Variants in TMC1 observed in about 807,000 individuals in gnomAD.
The protein encoded by TMC1 is transmembrane channel-like protein 1.
Under a neutral mutation model 105.8 loss-of-function variants are expected in TMC1, and 84 were observed. That is an observed-to-expected ratio of 0.79 (90% CI 0.67 to 0.95). TMC1 has a LOEUF of 0.95. TMC1 is among the 40% of genes least tolerant of loss of function. The pLI is 0.00. For synonymous variants in TMC1, 315 were observed against 311.5 expected (o/e 1.01, Z -0.12); for missense variants, 817 against 914.1 (o/e 0.89, Z 1.37).
At chr9:72,712,135 T>G (rs1391506655) in intron 8 of TMC1, among the ~76,000 whole-genome samples, 1 of 152,210 alleles carries the variant, frequency 6.6e-6, no homozygotes, top group Admixed American at 6.5e-5. Context: ...TATATATCTG[T>G]TTTGGTACCA....
chr9:72,646,889 A>G (rs2132148453), intron 4 of TMC1, among the ~76,000 whole-genome samples: 1 of 152,174 alleles, frequency 6.6e-6, no homozygotes, highest in African/African-American at 2.4e-5. Flanking sequence ...TCATGCCTGT[A>G]ATCCCACTCT....
chr9:72,673,357 A>T (rs1472337056), intron 5 of TMC1, among the ~76,000 whole-genome samples: 1 of 152,184 alleles, frequency 6.6e-6, no homozygotes, highest in Non-Finnish European at 1.5e-5. Flanking sequence ...ACCAGAGCTG[A>T]AATCAATAAA....
intron 10 of TMC1, among the ~76,000 whole-genome samples, chr9:72,751,476 G>T (rs563702939): frequency 1.3e-5 from 2 of 152,214 alleles, no homozygotes; most frequent in African/African-American, 4.8e-5. Context: ...GCTAGGCACT[G>T]TAGTTACCTT....
At chr9:72,756,016 G>A (rs1278316597) in intron 12 of TMC1, among the ~76,000 whole-genome samples, 1 of 152,182 alleles carries the variant, frequency 6.6e-6, no homozygotes, top group East Asian at 1.9e-4. Flanking sequence ...ACCAGTTTAT[G>A]TGAGGAGTAC....
chr9:72,712,601 T>A (rs1826854457), intron 8 of TMC1, among the ~76,000 whole-genome samples: 1 of 152,208 alleles, frequency 6.6e-6, no homozygotes, highest in Non-Finnish European at 1.5e-5. Context: ...TACTTGTGAT[T>A]TTTGTACATT....
chr9:72,637,009 A>G (rs1362313176), intron 4 of TMC1, among the ~76,000 whole-genome samples: 1 of 151,540 alleles, frequency 6.6e-6, no homozygotes, highest in African/African-American at 2.4e-5. Flanking sequence ...TTATTGAGAA[A>G]CCATGCCCTA....
chr9:72,670,272 C>A (rs1826108826), intron 5 of TMC1, among the ~76,000 whole-genome samples: 1 of 152,050 alleles, frequency 6.6e-6, no homozygotes, highest in Non-Finnish European at 1.5e-5. Flanking sequence ...AGTATAAAAA[C>A]CATGAAATTC....
chr9:72,822,514 TTGTGTGTG>T (rs368968408), intron 20 of TMC1, among the ~76,000 whole-genome samples: 1,641 of 135,842 alleles, frequency 0.012, 31 homozygotes, highest in African/African-American at 0.037. Flanking sequence ...GTTAATTCCG[TTGTGTGTG>T]TGTGTGTGTG....
At chr9:72,693,224 A>C (rs1826496845) in intron 6 of TMC1, among the ~76,000 whole-genome samples, 1 of 152,228 alleles carries the variant, frequency 6.6e-6, no homozygotes, top group Non-Finnish European at 1.5e-5. Flanking sequence ...TCAATAAAAA[A>C]GTTTTAACAA....
chr9:72,567,810 C>G (rs1432644214), intron 1 of TMC1, among the ~76,000 whole-genome samples: 1 of 152,156 alleles, frequency 6.6e-6, no homozygotes, highest in Non-Finnish European at 1.5e-5. Flanking sequence ...CTAAGGCACT[C>G]ATGTAGTCTT....
chr9:72,806,218 G>A (rs1488280598), intron 18 of TMC1, among the ~76,000 whole-genome samples: 4 of 131,422 alleles, frequency 3.0e-5, no homozygotes, highest in Non-Finnish European at 5.4e-5. Flanking sequence ...TGGCCGGGCA[G>A]GGGGCTGACC....
At chr9:72,810,164 G>A (rs947531977) in intron 18 of TMC1, among the ~76,000 whole-genome samples, 5 of 147,964 alleles carry the variant, frequency 3.4e-5, no homozygotes, top group Admixed American at 2.0e-4. Flanking sequence ...AAACTAAAAT[G>A]AGGCTGTTTT....
At chr9:72,550,867 A>C (rs1318914020) in intron 1 of TMC1, among the ~76,000 whole-genome samples, 2 of 152,134 alleles carry the variant, frequency 1.3e-5, no homozygotes, top group African/African-American at 4.8e-5. Flanking sequence ...TAAATTTAGA[A>C]TCATGAGTTA....
chr9:72,531,949 C>T (rs10122344), intron 1 of TMC1, among the ~76,000 whole-genome samples: 79,300 of 151,676 alleles, frequency 0.52, 21,619 homozygotes, highest in African/African-American at 0.69. Flanking sequence ...TTTATTTATT[C>T]GAGATGGAGT....
chr9:72,647,469 A>G (rs1825734110), intron 4 of TMC1, among the ~76,000 whole-genome samples: 1 of 152,184 alleles, frequency 6.6e-6, no homozygotes, highest in African/African-American at 2.4e-5. Context: ...CAGATTCAAT[A>G]ATTTGCAACA....
rs62560387 is a variant in TMC1, at chr9:72,813,316, A to G, written c.1696-2827A>G. Reference sequence around the variant, plus strand: ...AAAGCCTACCTCTAAAACAATGAGCACTGACTTTTATACTACATATGTGTA... The same window carrying G: ...AAAGCCTACCTCTAAAACAATGAGCGCTGACTTTTATACTACATATGTGTA... On this transcript the variant is annotated intron_variant, in intron 18 of 23. Transcript: ENST00000297784. Among the ~76,000 whole-genome samples, 558 of 152,302 alleles carry G rather than the reference A, an allele frequency of 3.7e-3. 1 individual carries two copies. Among genetic ancestry groups the G allele is most frequent in the Middle Eastern group, 6.8e-3 (2 of 294 alleles).
At chr9:72,723,948 A>T (rs1414630073) in intron 8 of TMC1, among the ~76,000 whole-genome samples, 2 of 152,174 alleles carry the variant, frequency 1.3e-5, no homozygotes, top group Non-Finnish European at 2.9e-5. Flanking sequence ...GGAGGCATTT[A>T]TTACTCTCAT....
intron 5 of TMC1, among the ~76,000 whole-genome samples, chr9:72,649,549 C>A (rs1342050617): frequency 6.6e-6 from 1 of 152,038 alleles, no homozygotes; most frequent in Admixed American, 6.6e-5. Context: ...CTGAGCAGTA[C>A]CCTATTTAAT....
At position 72,722,784 on chromosome 9, in the gene TMC1, T is replaced by G. The variant is rs1308644948; in HGVS notation, c.363-17335T>G. ...TGAATAGGTGAGTGAAGGACAGAAA[T>G]GTGCTGGTAAAAAGCCCTGATCTAT... On this transcript the variant is annotated intron_variant, in intron 8 of 23. Transcript: ENST00000297784. Among the ~76,000 whole-genome samples the G allele has an allele frequency of 3.3e-5, 5 of 152,270 alleles. No homozygotes were observed. In the East Asian group the frequency reaches 9.6e-4, roughly 29 times the overall value.
Sources: gnomAD v4.1 joint callset for allele counts (sites outside exome capture counted in the v4.1 genomes callset) on GRCh38, gnomAD v4.1.1 for gene constraint, MANE v1.5 for transcripts, NCBI Gene and HGNC (gene_info 2026-07-23, HGNC 2026-07-21) for gene names.